Variants in C8orf34 observed in about 807,000 individuals in gnomAD.
The protein encoded by C8orf34 is chromosome 8 open reading frame 34, also known as uncharacterized protein C8orf34.
In C8orf34, 65 loss-of-function variants were observed where a neutral mutation model predicts 68.3. That is an observed-to-expected ratio of 0.95 (90% CI 0.78 to 1.17). The LOEUF (loss-of-function observed/expected upper bound fraction) is 1.17, where lower values mean the gene tolerates loss of function less well. C8orf34 is among the 50% of genes most tolerant of loss of function. C8orf34 has a pLI of 0.00. For synonymous variants in C8orf34, 244 were observed against 241.2 expected, an observed-to-expected ratio of 1.01 and a Z score of -0.11; for missense variants, 664 against 655.4, an observed-to-expected ratio of 1.01 and a Z score of -0.14.
intron 7 of C8orf34, among the ~76,000 whole-genome samples, chr8:68,620,003 A>T (rs1818342118): frequency 6.6e-6 from 1 of 152,184 alleles, no homozygotes; most frequent in Non-Finnish European, 1.5e-5. Context: ...GTGAAGAGGA[A>T]GGTGACAGAA....
chr8:68,740,384 G>A (rs1437207134), intron 10 of C8orf34, among the ~76,000 whole-genome samples: 1 of 151,924 alleles, frequency 6.6e-6, no homozygotes, highest in Admixed American at 6.6e-5. Flanking sequence ...CATCTATAGG[G>A]AACTTAAACA....
chr8:68,478,768 A>G (rs1458361883), intron 4 of C8orf34, among the ~76,000 whole-genome samples: 9 of 152,142 alleles, frequency 5.9e-5, no homozygotes, highest in Non-Finnish European at 1.2e-4. Context: ...AAACCATCAG[A>G]TCTTGTGAGA....
intron 1 of C8orf34, among the ~76,000 whole-genome samples, chr8:68,380,747 G>A (rs771919607): frequency 2.0e-5 from 3 of 152,170 alleles, no homozygotes; most frequent in Non-Finnish European, 2.9e-5. Flanking sequence ...TTTTATGTGT[G>A]CAGACAATTT....
rs528533719 is a variant in C8orf34 at position 68,410,814 on chromosome 8, G to T, written c.328-28685G>T. Reference sequence around the variant, plus strand: ...CTTTGACTTTCTCCTGTGGGTAAAAGCCGCAACTGCCAACAGCACCCCTTC... The same window carrying T: ...CTTTGACTTTCTCCTGTGGGTAAAATCCGCAACTGCCAACAGCACCCCTTC... On this transcript the variant is annotated intron_variant, in intron 1 of 13. Transcript: ENST00000518698. Among the ~76,000 whole-genome samples, 447 of 152,298 alleles carry T rather than the reference G, an allele frequency of 2.9e-3. 3 individuals are homozygous for T. The highest frequency in any genetic ancestry group is 0.01 in the African/African-American group (429 of 41,570).
At chr8:68,381,827 A>C (rs1299177946) in intron 1 of C8orf34, among the ~76,000 whole-genome samples, 1 of 151,442 alleles carries the variant, frequency 6.6e-6, no homozygotes, top group Non-Finnish European at 1.5e-5. Context: ...TTTTTCTTTT[A>C]AAATGACTTA....
At chr8:68,538,467 GC>G (rs1417389110) in intron 7 of C8orf34, among the ~76,000 whole-genome samples, 1 of 142,074 alleles carries the variant, frequency 7.0e-6, no homozygotes, top group Non-Finnish European at 1.5e-5. Context: ...TCTCTAAAGT[GC>G]TTTTTTTTTT....
intron 7 of C8orf34, among the ~76,000 whole-genome samples, chr8:68,536,143 G>C (rs1385411695): frequency 1.3e-5 from 2 of 151,918 alleles, no homozygotes; most frequent in Non-Finnish European, 2.9e-5. Flanking sequence ...CACTTTGGGA[G>C]GCTGAGGTGG....
chr8:68,526,849 A>C (rs1815017242), intron 6 of C8orf34, among the ~76,000 whole-genome samples: 1 of 152,212 alleles, frequency 6.6e-6, no homozygotes, highest in Non-Finnish European at 1.5e-5. Context: ...AGAAAGCGTG[A>C]AACTAAACGG....
At chr8:68,790,497 T>C (rs969499864) in intron 12 of C8orf34, among the ~76,000 whole-genome samples, 13 of 152,322 alleles carry the variant, frequency 8.5e-5, no homozygotes, top group African/African-American at 2.9e-4. Context: ...TATTTCTTAT[T>C]GCACCATTTA....
At chr8:68,646,773 A>G (rs981487210) in intron 8 of C8orf34, among the ~76,000 whole-genome samples, 5 of 152,094 alleles carry the variant, frequency 3.3e-5, no homozygotes, top group Admixed American at 6.5e-5. Context: ...CTCCAGGTTC[A>G]TTGTTGCAAA....
chr8:68,337,715 A>G (rs1472980281), intron 1 of C8orf34, among the ~76,000 whole-genome samples: 2 of 152,202 alleles, frequency 1.3e-5, no homozygotes, highest in African/African-American at 4.8e-5. Flanking sequence ...GGGTTTCTTT[A>G]AACAGTAAAT....
At chr8:68,555,780 A>G (rs540794543) in intron 7 of C8orf34, among the ~76,000 whole-genome samples, 1 of 152,292 alleles carries the variant, frequency 6.6e-6, no homozygotes, top group South Asian at 2.1e-4. Context: ...TCATGTAGGT[A>G]TATGTAGGTA....
At chr8:68,662,440 G>A (rs977237760) in intron 8 of C8orf34, among the ~76,000 whole-genome samples, 2 of 152,148 alleles carry the variant, frequency 1.3e-5, no homozygotes, top group Non-Finnish European at 2.9e-5. Flanking sequence ...CACTTGTCAA[G>A]GGCAGGGCCA....
chr8:68,609,012 T>C (rs897377721), intron 7 of C8orf34, among the ~76,000 whole-genome samples: 1 of 151,996 alleles, frequency 6.6e-6, no homozygotes, highest in Non-Finnish European at 1.5e-5. Flanking sequence ...GACAAAAGTA[T>C]AAAAATAAAA....
intron 12 of C8orf34, among the ~76,000 whole-genome samples, chr8:68,788,436 G>A (rs961994531): frequency 2.0e-5 from 3 of 152,196 alleles, no homozygotes; most frequent in African/African-American, 7.2e-5. Context: ...AGGCATGAGA[G>A]TGAGTGCTCA....
At chr8:68,459,245 T>C (rs1811681712) in intron 3 of C8orf34, among the ~76,000 whole-genome samples, 2 of 152,164 alleles carry the variant, frequency 1.3e-5, no homozygotes, top group African/African-American at 2.4e-5. Flanking sequence ...TTCTTTTTTT[T>C]CTGAGATGGA....
intron 8 of C8orf34, among the ~76,000 whole-genome samples, chr8:68,662,791 G>C (rs544641964): frequency 4.6e-5 from 7 of 152,210 alleles, no homozygotes; most frequent in Admixed American, 3.3e-4. Flanking sequence ...GTAGAAAGAG[G>C]AACAAGAGTC....
At chr8:68,568,606 G>A (rs1816671385) in intron 7 of C8orf34, among the ~76,000 whole-genome samples, 1 of 151,440 alleles carries the variant, frequency 6.6e-6, no homozygotes. Flanking sequence ...GCACAATAAA[G>A]TAAGCTATAC....
intron 7 of C8orf34, among the ~76,000 whole-genome samples, chr8:68,579,601 C>T (rs1394339795): frequency 1.3e-5 from 2 of 152,100 alleles, no homozygotes; most frequent in Non-Finnish European, 2.9e-5. Flanking sequence ...TTTAAATGTT[C>T]CCTACCTTCC....
Sources: gnomAD v4.1 joint callset for allele counts (sites outside exome capture counted in the v4.1 genomes callset) on GRCh38, gnomAD v4.1.1 for gene constraint, MANE v1.5 for transcripts, NCBI Gene and HGNC (gene_info 2026-07-23, HGNC 2026-07-21) for gene names.